Variants in TNKS observed in about 807,000 individuals in gnomAD.
TNKS encodes poly [ADP-ribose] polymerase tankyrase-1.
TNKS carries 72 observed loss-of-function variants against 135.8 expected under a neutral mutation model. The observed-to-expected ratio is 0.53, with a 90% CI of 0.44 to 0.64. The LOEUF (loss-of-function observed/expected upper bound fraction) is 0.64, where lower values mean the gene tolerates loss of function less well. TNKS is among the 30% of genes least tolerant of loss of function. TNKS has a pLI of 0.00. For synonymous variants in TNKS, 849 were observed against 649.3 expected (o/e 1.31, Z -4.68); for missense variants, 1,769 against 1,674.0 (o/e 1.06, Z -0.99).
intron 3 of TNKS, among the ~76,000 whole-genome samples, chr8:9,669,670 A>G (rs955289213): frequency 6.6e-6 from 1 of 152,164 alleles, no homozygotes; most frequent in African/African-American, 2.4e-5. Context: ...GCTTGGACTT[A>G]ATGGATATAT....
chr8:9,629,875 G>T (rs1800218190), intron 3 of TNKS, among the ~76,000 whole-genome samples: 2 of 152,096 alleles, frequency 1.3e-5, no homozygotes, highest in South Asian at 4.1e-4. Context: ...GTAGAGACGG[G>T]GTTTCACCGT....
intron 3 of TNKS, among the ~76,000 whole-genome samples, chr8:9,637,020 T>G (rs1800537991): frequency 6.6e-6 from 1 of 152,208 alleles, no homozygotes; most frequent in African/African-American, 2.4e-5. Context: ...TTGGAAATCA[T>G]CTGAATTGAC....
intron 2 of TNKS, among the ~76,000 whole-genome samples, chr8:9,600,031 A>G (rs761945282): frequency 1.3e-5 from 2 of 152,194 alleles, no homozygotes; most frequent in African/African-American, 4.8e-5. Flanking sequence ...TAATATCTCT[A>G]AAAATTATGT....
intron 26 of TNKS, chr8:9,772,343 C>CAGAT (rs1022323821): frequency 1.5e-5 from 7 of 453,362 alleles, no homozygotes; most frequent in East Asian, 7.0e-5. Flanking sequence ...CAATGAGGGA[C>CAGAT]AGATAGGCTT....
chr8:9,761,766 C>A, intron 21 of TNKS, 130 bp downstream of exon 21: 1 of 945,822 alleles, frequency 1.1e-6, no homozygotes, highest in Non-Finnish European at 1.5e-6. Context: ...CTGTCCCTTC[C>A]CCATCTCAGT....
At chr8:9,760,105 G>A (rs1807067596) in intron 20 of TNKS, among the ~76,000 whole-genome samples, 1 of 152,088 alleles carries the variant, frequency 6.6e-6, no homozygotes, top group African/African-American at 2.4e-5. Context: ...AAAAAAATGG[G>A]ACATCAATAA....
rs1563196912 is a variant in TNKS, at chr8:9,730,948, C to G, written c.2060C>G (p.Pro687Arg). The G allele has an allele frequency of 6.2e-7, 1 of 1,614,064 alleles. No individual in the cohort carries two copies. The highest frequency in any genetic ancestry group is 1.7e-5 in the Admixed American group (1 of 60,010). Residue 687 changes from proline (P) to arginine (R), a missense_variant, in exon 14 of 27, where the codon CCC (proline) becomes CGC (arginine). Pro to Arg is a moderately radical substitution (Grantham distance 103). Coordinates refer to ENST00000310430, the MANE Select transcript of TNKS (RefSeq NM_003747.3). ...CRDLEGRHST[P>R]LHFAAGYNRV... is the part of the protein sequence containing the mutation. ...GACTTAGAGGGCCGGCATTCCACGC[C>G]CTTACACTTCGCAGCAGGCTACAAC...
intron 5 of TNKS, among the ~76,000 whole-genome samples, chr8:9,702,789 G>A (rs1445094651): frequency 6.6e-6 from 1 of 152,214 alleles, no homozygotes; most frequent in Admixed American, 6.5e-5. Context: ...GTGGAGGCGG[G>A]TGGATCACTT....
chr8:9,683,789 A>T (rs1386014724), intron 5 of TNKS, among the ~76,000 whole-genome samples: 1 of 151,936 alleles, frequency 6.6e-6, no homozygotes, highest in Non-Finnish European at 1.5e-5. Flanking sequence ...ATATGTGAGA[A>T]GTTAATATTT....
chr8:9,675,084 A>G (rs1176429655), intron 3 of TNKS, among the ~76,000 whole-genome samples: 1 of 152,220 alleles, frequency 6.6e-6, no homozygotes, highest in African/African-American at 2.4e-5. Flanking sequence ...GCAGAGTATC[A>G]GTCTGTCTGA....
chr8:9,775,064 C>G (rs900338787), intron 26 of TNKS, among the ~76,000 whole-genome samples: 1 of 152,088 alleles, frequency 6.6e-6, no homozygotes, highest in Non-Finnish European at 1.5e-5. Context: ...GCTCAATACA[C>G]GGATGCTAGT....
At position 9,575,055 on chromosome 8, in the gene TNKS, C is replaced by G. The variant is rs542505654; in HGVS notation, c.674-5104C>G. On this transcript the variant is annotated intron_variant, in intron 1 of 26. Coordinates refer to ENST00000310430, the MANE Select transcript of TNKS (RefSeq NM_003747.3). ...TGTGCCTGGATTGCCTTTGTCTTGA[C>G]AAATTGTGTGAGACAAGTGAATCTC... is the stretch of plus-strand genomic sequence containing the variant. 4.4e-4 allele frequency: 438 copies of G among 985,294 alleles called. 4 individuals carry two copies. In the South Asian group the frequency reaches 0.017, roughly 39 times the overall value. 61.0% of individuals were successfully genotyped at this position (985,294 alleles called of 1,614,324 possible). A position where few individuals can be genotyped will look rare whatever the true frequency, so the allele number is the denominator to read the frequency against.
intron 3 of TNKS, among the ~76,000 whole-genome samples, chr8:9,629,104 G>A (rs1800181584): frequency 6.6e-6 from 1 of 152,206 alleles, no homozygotes; most frequent in Non-Finnish European, 1.5e-5. Flanking sequence ...CCAACGTGTA[G>A]TCTGTAGGCT....
At chr8:9,676,006 ATTTT>A (rs760646836) in intron 3 of TNKS, among the ~76,000 whole-genome samples, 3 of 130,834 alleles carry the variant, frequency 2.3e-5, no homozygotes, top group African/African-American at 2.9e-5. Context: ...AAAAGTCAGA[ATTTT>A]TTTTTTTTTT....
At chr8:9,597,111 G>A (rs1004233046) in intron 2 of TNKS, among the ~76,000 whole-genome samples, 8 of 152,250 alleles carry the variant, frequency 5.3e-5, no homozygotes, top group East Asian at 3.8e-4. Flanking sequence ...GCAAATAAGT[G>A]CTTGGCTTTA....
chr8:9,556,371 C>T lies in TNKS; in HGVS notation c.432C>T (p.Ser144=). Reference sequence around the variant, plus strand: ...CTTCTTCCTCATCTTCCTCTCCATCCTCCCCTGGATCGAGCTTGGCGGAGA... The same window carrying T: ...CTTCTTCCTCATCTTCCTCTCCATCTTCCCCTGGATCGAGCTTGGCGGAGA... The part of the protein sequence containing the change: ...SPTSSSSSSP[S]SPGSSLAESP... Residue 144 remains serine, a synonymous_variant, in exon 1 of 27, where the codon TCC becomes TCT. Transcript: ENST00000310430. 3.1e-6 allele frequency: 5 copies of T among 1,614,252 alleles called. No homozygotes were observed. Among genetic ancestry groups the T allele is most frequent in the Non-Finnish European group, 4.2e-6 (5 of 1,180,040 alleles).
intron 3 of TNKS, among the ~76,000 whole-genome samples, chr8:9,656,078 G>A (rs1041197865): frequency 2.6e-5 from 4 of 152,142 alleles, no homozygotes; most frequent in African/African-American, 2.4e-5. Flanking sequence ...ACCACGGCAC[G>A]AGAACTATGT....
At position 9,775,902 on chromosome 8, in the gene TNKS, A is replaced by G. The variant is rs78513639; in HGVS notation, c.3898-748A>G. ...TGAAGAATTCCTATGTAGTCTACTC[A>G]CTAAGGGGTGTCCTACCTCTCCTTC... On this transcript the variant is annotated intron_variant, in intron 26 of 26. Coordinates refer to ENST00000310430, the MANE Select transcript of TNKS (RefSeq NM_003747.3). 4.3e-3 allele frequency among the ~76,000 whole-genome samples: 647 copies of G among 152,006 alleles called. 35 individuals are homozygous for G. In the East Asian group the frequency reaches 0.11, roughly 26 times the overall value.
intron 3 of TNKS, among the ~76,000 whole-genome samples, chr8:9,676,838 G>C (rs59164086): frequency 6.6e-6 from 1 of 152,012 alleles, no homozygotes; most frequent in Non-Finnish European, 1.5e-5. Flanking sequence ...TATTTTAATA[G>C]AAAATGTTTT....
Sources: gnomAD v4.1 joint callset for allele counts (sites outside exome capture counted in the v4.1 genomes callset) on GRCh38, gnomAD v4.1.1 for gene constraint, MANE v1.5 for transcripts, NCBI Gene and HGNC (gene_info 2026-07-23, HGNC 2026-07-21) for gene names.